Variants in BICRA observed in about 807,000 individuals in gnomAD.
The protein encoded by BICRA is BRD4-interacting chromatin-remodeling complex-associated protein.
Under a neutral mutation model 96.9 loss-of-function variants are expected in BICRA, and 31 were observed. The observed-to-expected ratio is 0.32, with a 90% CI of 0.24 to 0.43. The LOEUF (loss-of-function observed/expected upper bound fraction) is 0.43, where lower values mean the gene tolerates loss of function less well. Among genes scored for constraint, BICRA ranks in the 20% least tolerant of loss-of-function variants. The pLI, the probability that BICRA is intolerant of heterozygous loss-of-function variation, is 1.00. For synonymous variants in BICRA, 1,350 were observed against 1,071.8 expected, an observed-to-expected ratio of 1.26 and a Z score of -5.07; for missense variants, 2,283 against 2,190.3, an observed-to-expected ratio of 1.04 and a Z score of -0.84.
At position 47,701,753 on chromosome 19, in the gene BICRA, A is replaced by G. The variant is rs1973453167; in HGVS notation, c.4021A>G (p.Lys1341Glu). 6.6e-7 allele frequency: 1 copy of G among 1,513,772 alleles called. No homozygotes were observed. Among genetic ancestry groups the G allele is most frequent in the African/African-American group, 1.5e-5 (1 of 68,508 alleles). The allele number at this position is 1,513,772 out of a possible 1,614,324, so 93.8% of individuals were successfully genotyped here. A position where few individuals can be genotyped will look rare whatever the true frequency, so the allele number is the denominator to read the frequency against. ...GCCCCCGCCACCCCCCGCTACCCTCAAGGTGGCCGAGCCCCCGCCACGGCC... is the reference window on the plus strand; with the variant it reads ...GCCCCCGCCACCCCCCGCTACCCTCGAGGTGGCCGAGCCCCCGCCACGGCC... Reference protein sequence around the residue: ...HQPPPPPATLKVAEPPPRPPP... With the variant: ...HQPPPPPATLEVAEPPPRPPP... Residue 1341 changes from lysine to glutamate, a missense_variant, in exon 15 of 15, where the codon AAG becomes GAG. Coordinates refer to ENST00000594866, the MANE Select transcript of BICRA (RefSeq NM_001394372.1). This position sits in a 1 kb window ranked among gnomAD's most constrained non-coding sequence, Gnocchi z 5.4.
At chr19:47,655,032 C>T (rs1477794879) in intron 1 of BICRA, among the ~76,000 whole-genome samples, 2 of 152,092 alleles carry the variant, frequency 1.3e-5, no homozygotes, top group Admixed American at 1.3e-4. Flanking sequence ...ATCAATAACG[C>T]ACAATGCTTT....
intron 5 of BICRA, among the ~76,000 whole-genome samples, chr19:47,677,048 C>T (rs1210347648): frequency 6.6e-6 from 1 of 152,168 alleles, no homozygotes; most frequent in Non-Finnish European, 1.5e-5. Flanking sequence ...TGCCACTCCC[C>T]GCCACTCACC....
Position 47,685,425 on chromosome 19 carries a change from C to G in BICRA, c.2283+3273C>G, listed in dbSNP as rs182875502. On this transcript the variant is annotated intron_variant, in intron 7 of 14. Coordinates refer to ENST00000594866, the MANE Select transcript of BICRA (RefSeq NM_001394372.1). ...TGTATCTGCAGCAGTGGGGACCCAG[C>G]ATGACAGAAGGTGGTCAGTGAATGT... Among the ~76,000 whole-genome samples, 373 of 152,244 alleles carry G rather than the reference C, an allele frequency of 2.5e-3. 1 individual carries two copies. The highest frequency in any genetic ancestry group is 4.1e-3 in the Non-Finnish European group (276 of 68,016).
rs911200431 is a variant in BICRA at position 47,679,459 on chromosome 19, G to T, written c.289G>T (p.Ala97Ser). 2.6e-6 allele frequency: 4 copies of T among 1,514,620 alleles called. No individual in the cohort carries two copies. Among genetic ancestry groups the T allele is most frequent in the Non-Finnish European group, 3.5e-6 (4 of 1,131,198 alleles). 93.8% of individuals were successfully genotyped at this position (1,514,620 alleles called of 1,614,324 possible). ...TGGGGGGSGG[A>S]DQPCDILQQS... Reference sequence around the variant, plus strand: ...GGGCGGCGGCGGGGGCAGTGGGGGCGCTGACCAGCCCTGTGACATCCTCCA... The same window carrying T: ...GGGCGGCGGCGGGGGCAGTGGGGGCTCTGACCAGCCCTGTGACATCCTCCA... Residue 97 changes from alanine (A) to serine (S), a missense_variant, in exon 6 of 15, where the codon GCT (alanine) becomes TCT (serine). By Grantham distance (99) the Ala-to-Ser change is moderately conservative. Coordinates refer to ENST00000594866, the MANE Select transcript of BICRA (RefSeq NM_001394372.1).
At chr19:47,622,324 T>A (rs1233693148) in intron 1 of BICRA, among the ~76,000 whole-genome samples, 1 of 151,734 alleles carries the variant, frequency 6.6e-6, no homozygotes, top group Non-Finnish European at 1.5e-5. Context: ...CTCGAACTCC[T>A]GACCTCAGGT....
Position 47,680,743 on chromosome 19 carries a change from A to C in BICRA, c.1573A>C (p.Ser525Arg). ...LTNQNLAGPL[S>R]LGPVLAPHSG... ...AAACCAGAACCTGGCGGGCCCACTG[A>C]GCCTGGGCCCCGTGTTGGCCCCCCA... is the stretch of plus-strand genomic sequence containing the variant. Residue 525 changes from serine (S) to arginine (R), a missense_variant, in exon 6 of 15, where the codon AGC becomes CGC. Ser to Arg is a moderately radical substitution (Grantham distance 110). Coordinates refer to ENST00000594866, the MANE Select transcript of BICRA (RefSeq NM_001394372.1). 6.2e-7 allele frequency: 1 copy of C among 1,607,686 alleles called. No homozygotes were observed. The highest frequency in any genetic ancestry group is 8.5e-7 in the Non-Finnish European group (1 of 1,177,666).
At chr19:47,622,465 C>G (rs1972078610) in intron 1 of BICRA, among the ~76,000 whole-genome samples, 1 of 150,436 alleles carries the variant, frequency 6.6e-6, no homozygotes, top group Non-Finnish European at 1.5e-5. Context: ...TGGCTCACGC[C>G]TGTAATCCCA....
At chr19:47,649,199 C>T (rs1433867949) in intron 1 of BICRA, among the ~76,000 whole-genome samples, 1 of 151,762 alleles carries the variant, frequency 6.6e-6, no homozygotes, top group African/African-American at 2.4e-5. Context: ...GTTGGCCAGG[C>T]TGGTCTCAAG....
chr19:47,625,254 C>T (rs1972123832), intron 1 of BICRA, among the ~76,000 whole-genome samples: 1 of 151,624 alleles, frequency 6.6e-6, no homozygotes, highest in Admixed American at 6.6e-5. Context: ...CCCTCCTCAG[C>T]CTCCCAAAGT....
chr19:47,698,524 G>A lies in BICRA; in HGVS notation c.3249-110G>A, dbSNP rs1361352524. On this transcript the variant is annotated intron_variant, in intron 11 of 14. Coordinates refer to ENST00000594866, the MANE Select transcript of BICRA (RefSeq NM_001394372.1). The surrounding 1 kb of genome is among the most constrained non-coding windows in gnomAD (Gnocchi z 4.8). ...CCACTGCCCAAGTATTCCCCTTCCCGCTGTTGTGTTCAGTTGCGGCCTGGG... is the reference window on the plus strand; with the variant it reads ...CCACTGCCCAAGTATTCCCCTTCCCACTGTTGTGTTCAGTTGCGGCCTGGG... 2.4e-5 allele frequency: 16 copies of A among 677,096 alleles called. No homozygotes were observed. The East Asian group carries it at 2.7e-4, about 12-fold the overall frequency. The allele number at this position is 677,096 out of a possible 1,614,324, so 41.9% of individuals were successfully genotyped here.
chr19:47,679,140 A>G, intron 5 of BICRA, 181 bp from the exon 6 acceptor site: 2 of 435,512 alleles, frequency 4.6e-6, no homozygotes, highest in Admixed American at 4.2e-5. Flanking sequence ...CAAGCCATCC[A>G]TCCTCCTACC....
chr19:47,658,202 G>A (rs1025739946), intron 1 of BICRA, among the ~76,000 whole-genome samples: 3 of 152,116 alleles, frequency 2.0e-5, no homozygotes, highest in Non-Finnish European at 4.4e-5. Flanking sequence ...CACTCACTAT[G>A]GTCTGTCCTC....
chr19:47,692,067 T>G (rs548236196), intron 7 of BICRA, among the ~76,000 whole-genome samples: 38 of 152,266 alleles, frequency 2.5e-4, no homozygotes, highest in African/African-American at 8.9e-4. Flanking sequence ...GGAGTGCCGC[T>G]GCATGTGGGC....
chr19:47,679,836 TG>T lies in BICRA; in HGVS notation c.671del (p.Gly224ValfsTer50). The T allele has an allele frequency of 1.3e-6, 2 of 1,490,272 alleles. No individual in the cohort carries two copies. The highest frequency in any genetic ancestry group is 2.4e-5 in the Admixed American group (1 of 42,178). 92.3% of individuals were successfully genotyped at this position (1,490,272 alleles called of 1,614,324 possible). Reference sequence around the variant, plus strand: ...TCCAAGGCCTGCCCAATGGCAGCCCTGGGGGTGCCACGGCGGCCACACTGGG... The same window carrying T: ...TCCAAGGCCTGCCCAATGGCAGCCCTGGGGTGCCACGGCGGCCACACTGGG... The part of the protein sequence containing the change: ...GLQGLPNGSP[G>X]GATAATLGLA... On this transcript the variant is annotated frameshift_variant, in exon 6 of 15. Transcript: ENST00000594866. LOFTEE classifies it high-confidence loss of function.
At chr19:47,693,250 G>A (rs1435339431) in intron 7 of BICRA, among the ~76,000 whole-genome samples, 2 of 152,238 alleles carry the variant, frequency 1.3e-5, no homozygotes, top group Admixed American at 6.5e-5. Context: ...ACGGCAAGGT[G>A]CTCCGTCTGA....
intron 7 of BICRA, 22 bp from the exon 8 acceptor site, chr19:47,694,087 CTCCCCT>C: frequency 7.1e-7 from 1 of 1,410,916 alleles, no homozygotes; most frequent in Non-Finnish European, 9.2e-7. Flanking sequence ...ACCCCCGCCC[CTCCCCT>C]CTCCCTCCCT....
At chr19:47,639,647 T>C (rs1972355577) in intron 1 of BICRA, among the ~76,000 whole-genome samples, 1 of 145,238 alleles carries the variant, frequency 6.9e-6, no homozygotes. Flanking sequence ...TTTTTTTTTT[T>C]TTTTTTTTAA....
intron 1 of BICRA, among the ~76,000 whole-genome samples, chr19:47,646,775 CT>C (rs150237451): frequency 1.6e-4 from 24 of 152,136 alleles, no homozygotes; most frequent in African/African-American, 2.7e-4. Context: ...ACAGTTATTC[CT>C]TTTTTTTAAC....
At position 47,680,157 on chromosome 19, in the gene BICRA, A is replaced by G; in HGVS notation, c.987A>G (p.Pro329=). 6.5e-7 allele frequency: 1 copy of G among 1,529,270 alleles called. No individual in the cohort carries two copies. The highest frequency in any genetic ancestry group is 8.7e-7 in the Non-Finnish European group (1 of 1,147,062). 94.7% of individuals were successfully genotyped at this position (1,529,270 alleles called of 1,614,324 possible). Residue 329 remains proline (P), a synonymous_variant, in exon 6 of 15, where the codon CCA becomes CCG. Transcript: ENST00000594866. ...CGGGACAGCCGCTGGCGGTGGCCCC[A>G]GGCCTCGGCTCGTCGCCACTGGTCC... ...TPSGQPLAVA[P]GLGSSPLVPA...
Sources: allele counts gnomAD v4.1 joint callset (sites outside exome capture counted in the v4.1 genomes callset), GRCh38; gene constraint gnomAD v4.1.1; non-coding constraint Gnocchi (gnomAD v3.1); transcripts MANE v1.5; gene names NCBI Gene and HGNC (gene_info 2026-07-23, HGNC 2026-07-21).